RRP12: variants seen among roughly 807,000 people sequenced by gnomAD.
RRP12 encodes ribosomal RNA processing 12 homolog, also known as RRP12-like protein.
Under a neutral mutation model 157.3 loss-of-function variants are expected in RRP12, and 78 were observed. The observed-to-expected ratio is 0.50, with a 90% confidence interval of 0.41 to 0.60. RRP12 has a LOEUF of 0.60. RRP12 is among the 20% of genes least tolerant of loss of function. The pLI, the probability that RRP12 is intolerant of heterozygous loss-of-function variation, is 0.00. For synonymous variants in RRP12, 726 were observed against 670.9 expected (o/e 1.08, Z -1.27); for missense variants, 1,521 against 1,679.9 (o/e 0.91, Z 1.65).
chr10:97,360,349 T>C (rs747116849), intron 31 of RRP12, among the ~76,000 whole-genome samples, 197 bp downstream of exon 31: 4 of 152,048 alleles, frequency 2.6e-5, no homozygotes, highest in Non-Finnish European at 2.9e-5. Context: ...TCCTAACCCA[T>C]AGGCTCTCTC....
chr10:97,366,397 C>T, intron 28 of RRP12, 49 bp downstream of exon 28: 1 of 1,567,182 alleles, frequency 6.4e-7, no homozygotes, highest in East Asian at 2.3e-5. Flanking sequence ...GAGAACCTGG[C>T]ACCATGGCAA....
intron 4 of RRP12, among the ~76,000 whole-genome samples, chr10:97,392,282 C>T (rs929988473): frequency 1.9e-4 from 28 of 151,314 alleles, no homozygotes; most frequent in African/African-American, 6.8e-4. Context: ...AGTATACTCA[C>T]ATTGTTGTGC....
intron 13 of RRP12, 103 bp from the exon 14 acceptor site, chr10:97,379,873 A>C (rs1589427516): frequency 8.7e-7 from 1 of 1,155,370 alleles, no homozygotes; most frequent in Non-Finnish European, 1.2e-6. Context: ...GCCTGGGTTC[A>C]ACGCTACACC....
rs777674750 is a variant in RRP12, at chr10:97,369,489, C to T, written c.2891G>A (p.Gly964Asp). Residue 964 changes from glycine (G) to aspartate (D), a missense_variant, in exon 25 of 34, where the codon GGC becomes GAC. By Grantham distance (94) the Gly-to-Asp change is moderately conservative. Coordinates refer to ENST00000370992, the MANE Select transcript of RRP12 (RefSeq NM_015179.4). ...RTRDVVKSAL[G>D]FIKVAVTVMD... ...GACAGTCACTGCCACCTTGATGAAG[C>T]CCAGTGCAGACTTGACCACGTCACG... 14 of 1,610,386 alleles carry T rather than the reference C, an allele frequency of 8.7e-6. No homozygotes were observed. Among genetic ancestry groups the T allele is most frequent in the African/African-American group, 1.3e-5 (1 of 74,856 alleles).
chr10:97,372,057 G>A lies in RRP12; in HGVS notation c.2343+16C>T. The stretch of plus-strand genomic sequence containing the variant: ...CCAAGCGTGGCTGTGTGGCGCTCCT[G>A]GCCCCCGAGGCTCACCTCTAGGTAG... On this transcript the variant is annotated intron_variant, in intron 20 of 33. Transcript: ENST00000370992. The A allele has an allele frequency of 6.3e-7, 1 of 1,594,956 alleles. No individual in the cohort carries two copies. Among genetic ancestry groups the A allele is most frequent in the South Asian group, 1.1e-5 (1 of 90,428 alleles).
chr10:97,358,855 C>T, intron 32 of RRP12, 88 bp downstream of exon 32: 2 of 1,133,384 alleles, frequency 1.8e-6, no homozygotes, highest in African/African-American at 1.5e-5. Context: ...AGGTGCCTCT[C>T]AGGACAGTGA....
chr10:97,359,453 A>T (rs1303008768), intron 31 of RRP12, among the ~76,000 whole-genome samples: 1 of 152,200 alleles, frequency 6.6e-6, no homozygotes, highest in Non-Finnish European at 1.5e-5. Context: ...TTTGGGTTTC[A>T]CACAAACACT....
intron 7 of RRP12, 50 bp downstream of exon 7, chr10:97,388,439 T>C: frequency 2.5e-6 from 4 of 1,612,916 alleles, no homozygotes; most frequent in Non-Finnish European, 3.4e-6. Context: ...CCTGTCCTGC[T>C]CTGCCAGCCA....
intron 4 of RRP12, chr10:97,393,192 A>G (rs1844857135): frequency 7.1e-6 from 3 of 421,968 alleles, no homozygotes; most frequent in Admixed American, 5.4e-5. Context: ...TTTCATTTTC[A>G]ATAGAGCTTT....
chr10:97,369,496 C>G lies in RRP12; in HGVS notation c.2884G>C (p.Ala962Pro). The G allele has an allele frequency of 6.2e-7, 1 of 1,609,264 alleles. No homozygotes were observed. The highest frequency in any genetic ancestry group is 8.5e-7 in the Non-Finnish European group (1 of 1,177,932). ...ACTGCCACCTTGATGAAGCCCAGTG[C>G]AGACTTGACCACGTCACGGGTGCGG... The part of the protein sequence containing the change: ...ASRTRDVVKS[A>P]LGFIKVAVTV... Residue 962 changes from alanine to proline, a missense_variant, in exon 25 of 34, where the codon GCA becomes CCA. Transcript: ENST00000370992.
intron 3 of RRP12, among the ~76,000 whole-genome samples, chr10:97,395,207 T>TATACACAC (rs112214269): frequency 0.043 from 6,516 of 149,898 alleles, 403 homozygotes; most frequent in African/African-American, 0.14. Context: ...TATACACATA[T>TATACACAC]ACACACACAC....
rs750791101 is a variant in RRP12, at chr10:97,400,314, G to T, written c.360C>A (p.Ala120=). The change falls in exon 2 of 34, where the codon GCC becomes GCA. Residue 120 remains alanine, a synonymous_variant. Transcript: ENST00000370992. The part of the protein sequence containing the change: ...VQRFWESNSA[A]HKEICAVLAA... ...CGACCCTCGCCCCTACCTCCTTGTG[G>T]GCAGCCGAGTTGGACTCCCAGAAGC... 1.2e-6 allele frequency: 2 copies of T among 1,613,774 alleles called. No individual in the cohort carries two copies. The highest frequency in any genetic ancestry group is 3.3e-5 in the Admixed American group (2 of 59,968).
chr10:97,390,148 C>T (rs573040471), intron 6 of RRP12, among the ~76,000 whole-genome samples: 9 of 152,258 alleles, frequency 5.9e-5, no homozygotes, highest in East Asian at 1.9e-4. Flanking sequence ...CCCTCCCTGC[C>T]GAGGTAAATA....
intron 18 of RRP12, 34 bp from the exon 19 acceptor site, chr10:97,372,837 C>A: frequency 6.5e-7 from 1 of 1,547,388 alleles, no homozygotes; most frequent in South Asian, 1.2e-5. Flanking sequence ...AGAAGAGAGT[C>A]ATTGGGGAGG....
rs761020309 is a variant in RRP12, at chr10:97,401,160, G to T, written c.72C>A (p.Ser24Arg). 6.2e-7 allele frequency: 1 copy of T among 1,614,158 alleles called. No individual in the cohort carries two copies. The highest frequency in any genetic ancestry group is 1.1e-5 in the South Asian group (1 of 91,084). Residue 24 changes from serine to arginine, a missense_variant, in exon 1 of 34, where the codon AGC (serine) becomes AGA (arginine). By Grantham distance (110) the Ser-to-Arg change is moderately radical (BLOSUM62 -1). Coordinates refer to ENST00000370992, the MANE Select transcript of RRP12 (RefSeq NM_015179.4). ...GGCGGCAGATGGCGGGGTTGCTGTC[G>T]CTGCTGTGGCCTTTCTTCCAGCGCT... is the stretch of plus-strand genomic sequence containing the variant. ...KLKRWKKGHS[S>R]DSNPAICRHR...
rs745566691 is a variant in RRP12, at chr10:97,379,774, C to T, written c.1534-4G>A. The stretch of plus-strand genomic sequence containing the variant: ...GGTCACACAGGGACTGGAGGCACTG[C>T]AGCAGAGATGAGTGACCACACATCA... On this transcript the variant is annotated splice_polypyrimidine_tract_variant and splice_region_variant and intron_variant, in intron 13 of 33. Coordinates refer to ENST00000370992, the MANE Select transcript of RRP12 (RefSeq NM_015179.4). 4 of 1,602,282 alleles carry T rather than the reference C, an allele frequency of 2.5e-6. No individual in the cohort carries two copies. In the South Asian group the frequency reaches 4.5e-5, roughly 18 times the overall value.
chr10:97,391,998 T>C (rs1209853823), intron 4 of RRP12, among the ~76,000 whole-genome samples: 1 of 47,458 alleles, frequency 2.1e-5, no homozygotes, highest in Non-Finnish European at 6.2e-5. Context: ...ATTCATGTTG[T>C]GGGTTTTTTT....
At chr10:97,375,604 C>A (rs1844283489) in intron 15 of RRP12, among the ~76,000 whole-genome samples, 1 of 152,094 alleles carries the variant, frequency 6.6e-6, no homozygotes, top group Non-Finnish European at 1.5e-5. Context: ...ATAACATCAG[C>A]CTTAAGAATA....
intron 3 of RRP12, 108 bp from the exon 4 acceptor site, chr10:97,393,868 C>T (rs932865585): frequency 2.9e-5 from 24 of 838,722 alleles, no homozygotes; most frequent in Admixed American, 6.6e-5. Context: ...CTGAGAACCA[C>T]GGTATCAGAG....
Sources: gnomAD v4.1 joint callset for allele counts (sites outside exome capture counted in the v4.1 genomes callset) on GRCh38, gnomAD v4.1.1 for gene constraint, MANE v1.5 for transcripts, NCBI Gene and HGNC (gene_info 2026-07-23, HGNC 2026-07-21) for gene names.